Variants in DGKI observed in about 807,000 individuals in gnomAD.
The protein encoded by DGKI is DAG kinase iota.
DGKI carries 55 observed loss-of-function variants against 147.5 expected under a neutral mutation model. The observed-to-expected ratio is 0.37, with a 90% CI of 0.30 to 0.47. The LOEUF is 0.47. Among genes scored for constraint, DGKI ranks in the 20% least tolerant of loss-of-function variants. DGKI has a pLI of 1.00. For missense variants in DGKI, 1,007 were observed against 1,323.8 expected, an observed-to-expected ratio of 0.76 and a Z score of 3.71; for synonymous variants, 469 against 477.1, an observed-to-expected ratio of 0.98 and a Z score of 0.22.
chr7:137,578,193 T>C (rs1332691361), intron 16 of DGKI, 77 bp downstream of exon 16: 2 of 971,490 alleles, frequency 2.1e-6, no homozygotes, highest in Non-Finnish European at 1.6e-6. Flanking sequence ...ATTTCTCATG[T>C]AGTTTGCAAC....
At chr7:137,661,514 AAGG>A (rs1295204010) in intron 3 of DGKI, among the ~76,000 whole-genome samples, 6 of 152,130 alleles carry the variant, frequency 3.9e-5, no homozygotes, top group African/African-American at 1.4e-4. Context: ...GTGAGAAGCC[AAGG>A]AGAAGGACAG....
rs547280085 is a variant in DGKI at position 137,759,833 on chromosome 7, C to T, written c.402-69831G>A. Among the ~76,000 whole-genome samples, 3 of 152,204 alleles carry T rather than the reference C, an allele frequency of 2.0e-5. No individual in the cohort carries two copies. In the East Asian group the frequency reaches 5.8e-4, roughly 29 times the overall value. On this transcript the variant is annotated intron_variant, in intron 1 of 32. Coordinates refer to ENST00000614521, the MANE Select transcript of DGKI (RefSeq NM_001321708.2). ...TCCTCCTTTTCGTCCCTCCCTCCCT[C>T]ACACACATTTTGAGCATCCTCAGAA...
chr7:137,784,069 C>T (rs1316371294), intron 1 of DGKI, among the ~76,000 whole-genome samples: 1 of 152,014 alleles, frequency 6.6e-6, no homozygotes, highest in Non-Finnish European at 1.5e-5. Flanking sequence ...GTAAAAAACA[C>T]AAGGTATTCA....
At chr7:137,410,296 T>C (rs902146232) in intron 29 of DGKI, among the ~76,000 whole-genome samples, 2 of 152,052 alleles carry the variant, frequency 1.3e-5, no homozygotes, top group African/African-American at 4.8e-5. Flanking sequence ...TCCCAGCTAC[T>C]AGGGAGGCTA....
At chr7:137,691,245 C>G (rs980522480) in intron 1 of DGKI, among the ~76,000 whole-genome samples, 2 of 152,110 alleles carry the variant, frequency 1.3e-5, no homozygotes, top group Non-Finnish European at 2.9e-5. Context: ...TTTCCAAAGC[C>G]CATCAAGGGG....
In DGKI at chr7:137,619,464, G is replaced by A. The variant is rs190446601; in HGVS notation, c.993+360C>T. On this transcript the variant is annotated intron_variant, in intron 8 of 32. Coordinates refer to ENST00000614521, the MANE Select transcript of DGKI (RefSeq NM_001321708.2). ...CAGTTTGCCCTCACACTGACCCTCTGGGAATGCCCAGGCTGGAAGAGAACA... is the reference window on the plus strand; with the variant it reads ...CAGTTTGCCCTCACACTGACCCTCTAGGAATGCCCAGGCTGGAAGAGAACA... Among the ~76,000 whole-genome samples the A allele has an allele frequency of 2.6e-5, 4 of 152,268 alleles. No homozygotes were observed. The East Asian group carries it at 7.7e-4, about 29-fold the overall frequency.
intron 1 of DGKI, among the ~76,000 whole-genome samples, chr7:137,768,616 C>A (rs544774364): frequency 8.5e-5 from 13 of 152,320 alleles, no homozygotes; most frequent in Non-Finnish European, 1.9e-4. Context: ...AACCCGACTG[C>A]ATGCACGTAC....
In DGKI at chr7:137,761,354, C is replaced by T. The variant is rs188154435; in HGVS notation, c.402-71352G>A. Among the ~76,000 whole-genome samples the T allele has an allele frequency of 4.0e-3, 602 of 152,270 alleles. 2 individuals are homozygous for T. The highest frequency in any genetic ancestry group is 6.3e-3 in the Non-Finnish European group (429 of 68,012). On this transcript the variant is annotated intron_variant, in intron 1 of 32. Coordinates refer to ENST00000614521, the MANE Select transcript of DGKI (RefSeq NM_001321708.2). ...CATTTATCAACTTTGTGCCTTTGGT[C>T]AAGTTATTTACCCTTTCTGCTGCCT...
At chr7:137,707,748 A>C (rs370603940) in intron 1 of DGKI, among the ~76,000 whole-genome samples, 53 of 152,316 alleles carry the variant, frequency 3.5e-4, no homozygotes, top group African/African-American at 1.3e-3. Context: ...CAGCCTGCAG[A>C]ACCATGAATC....
chr7:137,599,764 C>A, intron 11 of DGKI, 59 bp downstream of exon 11: 1 of 1,481,464 alleles, frequency 6.8e-7, no homozygotes, highest in Admixed American at 1.7e-5. Flanking sequence ...GATAATGAAG[C>A]AGAAAATTCT....
intron 32 of DGKI, among the ~76,000 whole-genome samples, chr7:137,392,230 A>G (rs569818682): frequency 2.6e-5 from 4 of 152,266 alleles, no homozygotes; most frequent in African/African-American, 9.6e-5. Context: ...ATATACACAT[A>G]TATTTGTATA....
chr7:137,511,056 A>T (rs939155664), intron 21 of DGKI, among the ~76,000 whole-genome samples: 16 of 152,220 alleles, frequency 1.1e-4, no homozygotes, highest in African/African-American at 3.9e-4. Flanking sequence ...GGAAAGCCTG[A>T]AGTTTTTATC....
intron 2 of DGKI, among the ~76,000 whole-genome samples, chr7:137,687,084 T>C (rs6948537): frequency 0.51 from 77,055 of 151,908 alleles, 23,620 homozygotes; most frequent in African/African-American, 0.87. Context: ...TGAGCCAAAG[T>C]GTTACAGAGC....
At chr7:137,768,099 A>G (rs1019365235) in intron 1 of DGKI, among the ~76,000 whole-genome samples, 2 of 152,182 alleles carry the variant, frequency 1.3e-5, no homozygotes, top group Admixed American at 1.3e-4. Context: ...GAAGCTACAG[A>G]AAGTGGGAGG....
chr7:137,724,618 G>A (rs1454792290), intron 1 of DGKI, among the ~76,000 whole-genome samples: 3 of 152,194 alleles, frequency 2.0e-5, no homozygotes. Flanking sequence ...GATGACTCAA[G>A]GTCCCAGGAC....
chr7:137,752,812 G>T (rs548638691), intron 1 of DGKI, among the ~76,000 whole-genome samples: 1 of 152,102 alleles, frequency 6.6e-6, no homozygotes, highest in African/African-American at 2.4e-5. Flanking sequence ...CGAAGCTCCC[G>T]GCCGAATAAA....
intron 3 of DGKI, among the ~76,000 whole-genome samples, chr7:137,671,078 AACAG>A (rs1407833887): frequency 3.3e-5 from 5 of 152,332 alleles, no homozygotes; most frequent in Non-Finnish European, 7.4e-5. Flanking sequence ...CCTGAGATGA[AACAG>A]ACAAGGTGTA....
chr7:137,561,636 C>T (rs1387481808), intron 19 of DGKI, among the ~76,000 whole-genome samples: 3 of 152,046 alleles, frequency 2.0e-5, no homozygotes, highest in African/African-American at 4.8e-5. Context: ...CTGATTTGAT[C>T]ACTGTACATT....
intron 23 of DGKI, among the ~76,000 whole-genome samples, chr7:137,472,392 T>TATATGTATATATACA (rs61018353): frequency 1.6e-4 from 2 of 12,842 alleles, no homozygotes; most frequent in East Asian, 4.7e-3. Flanking sequence ...TATATACATA[T>TATATGTATATATACA]TATAATTATT....
Sources: allele counts gnomAD v4.1 joint callset (sites outside exome capture counted in the v4.1 genomes callset), GRCh38; gene constraint gnomAD v4.1.1; transcripts MANE v1.5; gene names NCBI Gene and HGNC (gene_info 2026-07-23, HGNC 2026-07-21).